The following DPYSL2 variants were observed in gnomAD, a reference collection of about 807,000 sequenced individuals.
DPYSL2 encodes dihydropyrimidinase like 2.
DPYSL2 carries 13 observed loss-of-function variants against 69.9 expected under a neutral mutation model. The observed-to-expected ratio is 0.19, with a 90% confidence interval of 0.12 to 0.30. DPYSL2 has a LOEUF of 0.30. DPYSL2 is among the 10% of genes least tolerant of loss of function. The pLI is 1.00. For missense variants in DPYSL2, 587 were observed against 918.9 expected, an observed-to-expected ratio of 0.64 and a Z score of 4.67; for synonymous variants, 326 against 359.1, an observed-to-expected ratio of 0.91 and a Z score of 1.04.
intron 3 of DPYSL2, among the ~76,000 whole-genome samples, chr8:26,594,632 A>T (rs1801817166): frequency 6.6e-6 from 1 of 152,038 alleles, no homozygotes. Flanking sequence ...TACTTATCCT[A>T]ATCTATCATT....
Position 26,517,447 on chromosome 8 carries a change from C to G in DPYSL2, c.354+2768C>G, listed in dbSNP as rs62492694. 3.0e-4 allele frequency among the ~76,000 whole-genome samples: 45 copies of G among 152,328 alleles called. No homozygotes were observed. Among genetic ancestry groups the G allele is most frequent in the Middle Eastern group, 3.4e-3 (1 of 294 alleles). ...TGAGGAAAGCCTCTATCTTGTTACT[C>G]TCTTTTTCCTATAAGTCCACTTTGG... On this transcript the variant is annotated intron_variant, in intron 1 of 13. Coordinates refer to ENST00000521913, the MANE Select transcript of DPYSL2 (RefSeq NM_001197293.3). This position sits in a 1 kb window ranked among gnomAD's most constrained non-coding sequence, Gnocchi z 4.2.
chr8:26,611,929 C>G (rs1315698425), intron 3 of DPYSL2, among the ~76,000 whole-genome samples: 3 of 152,228 alleles, frequency 2.0e-5, no homozygotes, highest in Non-Finnish European at 2.9e-5. Context: ...CCTAACAAGG[C>G]AGCCTGGGCT....
chr8:26,653,160 C>T lies in DPYSL2; in HGVS notation c.1777-72C>T. On this transcript the variant is annotated intron_variant, in intron 12 of 13. Coordinates refer to ENST00000521913, the MANE Select transcript of DPYSL2 (RefSeq NM_001197293.3). The surrounding 1 kb of genome is among the most constrained non-coding windows in gnomAD (Gnocchi z 5.7). Reference sequence around the variant, plus strand: ...CCTAGATCTCACAGGCCCATCCTCCCTCCAGGAGGGTTTCTAGAGAGGTAT... The same window carrying T: ...CCTAGATCTCACAGGCCCATCCTCCTTCCAGGAGGGTTTCTAGAGAGGTAT... 6.5e-7 allele frequency: 1 copy of T among 1,545,974 alleles called. No individual in the cohort carries two copies. Among genetic ancestry groups the T allele is most frequent in the Middle Eastern group, 1.7e-4 (1 of 5,762 alleles).
At position 26,561,145 on chromosome 8, in the gene DPYSL2, C is replaced by A. The variant is rs10109760; in HGVS notation, c.355-20824C>A. 3.9e-5 allele frequency among the ~76,000 whole-genome samples: 6 copies of A among 152,136 alleles called. No homozygotes were observed. In the East Asian group the frequency reaches 9.7e-4, roughly 25 times the overall value. The stretch of plus-strand genomic sequence containing the variant: ...TGGGCATTTCTGAGTTGATGCCCAT[C>A]GGATGTGGGAGTGGTTATATCCAGT... On this transcript the variant is annotated intron_variant, in intron 1 of 13. Coordinates refer to ENST00000521913, the MANE Select transcript of DPYSL2 (RefSeq NM_001197293.3).
At chr8:26,542,534 G>A (rs979326237) in intron 1 of DPYSL2, among the ~76,000 whole-genome samples, 17 of 151,736 alleles carry the variant, frequency 1.1e-4, no homozygotes, top group Admixed American at 5.3e-4. Flanking sequence ...TTGTCTTCCT[G>A]CCTCTGCCTT....
At chr8:26,524,805 A>C (rs1808448944) in intron 1 of DPYSL2, among the ~76,000 whole-genome samples, 1 of 17,526 alleles carries the variant, frequency 5.7e-5, no homozygotes, top group Admixed American at 1.4e-3. Context: ...CTGTCTCAAA[A>C]AAAAAAAAAA....
Position 26,587,554 on chromosome 8 carries a change from G to C in DPYSL2, c.628+3571G>C, listed in dbSNP as rs1377087962. Among the ~76,000 whole-genome samples the C allele has an allele frequency of 6.6e-6, 1 of 152,124 alleles. No individual in the cohort carries two copies. The highest frequency in any genetic ancestry group is 1.5e-5 in the Non-Finnish European group (1 of 68,034). On this transcript the variant is annotated intron_variant, in intron 3 of 13. Transcript: ENST00000521913. The surrounding 1 kb of genome is among the most constrained non-coding windows in gnomAD (Gnocchi z 4.2). ...GAGGAAAACACAGCCAAATATTCTC[G>C]GTTTAAAAAAGGAGATGGCATGTCA... is the stretch of plus-strand genomic sequence containing the variant.
At chr8:26,527,036 T>C (rs1323785501) in intron 1 of DPYSL2, among the ~76,000 whole-genome samples, 1 of 152,216 alleles carries the variant, frequency 6.6e-6, no homozygotes, top group East Asian at 1.9e-4. Context: ...TTAGTTAGAA[T>C]GGGGGAGTTT....
intron 1 of DPYSL2, among the ~76,000 whole-genome samples, chr8:26,525,796 C>T (rs371776687): frequency 4.6e-5 from 7 of 152,194 alleles, no homozygotes; most frequent in South Asian, 2.1e-4. Flanking sequence ...CTTTAGTTTT[C>T]GTTTTCCCCG....
chr8:26,628,449 G>A (rs1214708094), intron 7 of DPYSL2, among the ~76,000 whole-genome samples: 1 of 152,236 alleles, frequency 6.6e-6, no homozygotes, highest in Non-Finnish European at 1.5e-5. Context: ...CAGAGCAGGG[G>A]CCTGTGCTGG....
chr8:26,563,939 C>A (rs1305821897), intron 1 of DPYSL2, among the ~76,000 whole-genome samples: 1 of 151,842 alleles, frequency 6.6e-6, no homozygotes, highest in Non-Finnish European at 1.5e-5. Context: ...TTGTTGAAAC[C>A]ATGACAGAGA....
chr8:26,655,736 C>T lies in DPYSL2; in HGVS notation c.*30C>T. ...CCTGGGCTGTGCCGTCCACTGGGGACTGGGGATGGGACACCTGAGGACATT... is the reference window on the plus strand; with the variant it reads ...CCTGGGCTGTGCCGTCCACTGGGGATTGGGGATGGGACACCTGAGGACATT... On this transcript the variant is annotated 3_prime_UTR_variant, in exon 14 of 14. Coordinates refer to ENST00000521913, the MANE Select transcript of DPYSL2 (RefSeq NM_001197293.3). 1.3e-6 allele frequency: 2 copies of T among 1,546,942 alleles called. No individual in the cohort carries two copies. Among genetic ancestry groups the T allele is most frequent in the South Asian group, 1.2e-5 (1 of 86,674 alleles).
At chr8:26,577,996 TC>T in intron 1 of DPYSL2, 1 of 271,146 alleles carries the variant, frequency 3.7e-6, no homozygotes, top group African/African-American at 4.6e-5. Context: ...TCTCTCCTTC[TC>T]TCTCTCTCTC....
Position 26,647,634 on chromosome 8 carries a change from C to G in DPYSL2, c.1430C>G (p.Thr477Ser), listed in dbSNP as rs1428067834. 1 of 1,612,018 alleles carries G rather than the reference C, an allele frequency of 6.2e-7. No homozygotes were observed. The highest frequency in any genetic ancestry group is 1.7e-5 in the Admixed American group (1 of 59,706). ...CACCTATGCTGTCTCCCTCAGGTCACTGGGAAGATGGATGAGAACCAGTTT... is the reference window on the plus strand; with the variant it reads ...CACCTATGCTGTCTCCCTCAGGTCAGTGGGAAGATGGATGAGAACCAGTTT... ...MSVIWDKAVV[T>S]GKMDENQFVA... The change falls in exon 11 of 14, where the codon ACT (threonine) becomes AGT (serine). Residue 477 changes from threonine to serine, a missense_variant. Around this residue, in one of 3 missense-constraint regions of DPYSL2, gnomAD observed 452 missense variants for 754.3 expected, o/e 0.60. Coordinates refer to ENST00000521913, the MANE Select transcript of DPYSL2 (RefSeq NM_001197293.3). The surrounding 1 kb of genome is among the most constrained non-coding windows in gnomAD (Gnocchi z 5.1).
intron 1 of DPYSL2, among the ~76,000 whole-genome samples, chr8:26,532,260 G>C (rs988646397): frequency 6.6e-6 from 1 of 152,148 alleles, no homozygotes; most frequent in Non-Finnish European, 1.5e-5. Context: ...GGGACTTTAT[G>C]TCTGGTGGAG....
At position 26,564,899 on chromosome 8, in the gene DPYSL2, T is replaced by C. The variant is rs1364356450; in HGVS notation, c.355-17070T>C. 6.6e-6 allele frequency among the ~76,000 whole-genome samples: 1 copy of C among 151,196 alleles called. No homozygotes were observed. Among genetic ancestry groups the C allele is most frequent in the Non-Finnish European group, 1.5e-5 (1 of 67,668 alleles). On this transcript the variant is annotated intron_variant, in intron 1 of 13. Coordinates refer to ENST00000521913, the MANE Select transcript of DPYSL2 (RefSeq NM_001197293.3). This position sits in a 1 kb window ranked among gnomAD's most constrained non-coding sequence, Gnocchi z 4.8. Reference sequence around the variant, plus strand: ...AGTGTACATTGTACCTAATGTGTAGTTTTTTTTTATGCCTAGCCCCATTCC... The same window carrying C: ...AGTGTACATTGTACCTAATGTGTAGCTTTTTTTTATGCCTAGCCCCATTCC...
rs377201731 is a variant in DPYSL2, at chr8:26,556,319, A to G, written c.355-25650A>G. 3.3e-4 allele frequency among the ~76,000 whole-genome samples: 12 copies of G among 36,026 alleles called. 2 individuals carry two copies. The highest frequency in any genetic ancestry group is 5.8e-4 in the Admixed American group (1 of 1,716). 23.6% of individuals were successfully genotyped at this position (36,026 alleles called of 152,430 possible). A position where few individuals can be genotyped will look rare whatever the true frequency, so the allele number is the denominator to read the frequency against. On this transcript the variant is annotated intron_variant, in intron 1 of 13. Transcript: ENST00000521913. ...AGTATATATATAGTATATATATACT[A>G]TATATATAGTATATATATAGTATAT...
chr8:26,550,901 G>A (rs1800864419), intron 1 of DPYSL2, among the ~76,000 whole-genome samples: 1 of 152,194 alleles, frequency 6.6e-6, no homozygotes, highest in South Asian at 2.1e-4. Flanking sequence ...AGAACTCAGA[G>A]TTCTGACACC....
intron 8 of DPYSL2, 98 bp downstream of exon 8, chr8:26,634,998 C>A: frequency 1.3e-6 from 2 of 1,521,136 alleles, no homozygotes; most frequent in South Asian, 2.5e-5. Context: ...ACCCTCATGC[C>A]AAGTGGGCCA....
Sources: allele counts gnomAD v4.1 joint callset (sites outside exome capture counted in the v4.1 genomes callset), GRCh38; gene constraint gnomAD v4.1.1; regional missense constraint gnomAD v4.1.1; non-coding constraint Gnocchi (gnomAD v3.1); transcripts MANE v1.5; gene names NCBI Gene and HGNC (gene_info 2026-07-23, HGNC 2026-07-21).